The following MTA3 variants were observed in gnomAD, a reference collection of about 807,000 sequenced individuals.
MTA3 encodes metastasis associated 1 family member 3.
A neutral mutation model predicts 83.5 loss-of-function variants in MTA3; 34 were observed. The observed-to-expected ratio is 0.41, with a 90% CI of 0.31 to 0.54. The LOEUF is 0.54. Ranked by LOEUF, MTA3 falls within the 20% of genes least tolerant of loss-of-function variation. The pLI, the probability that MTA3 is intolerant of heterozygous loss-of-function variation, is 0.33. For missense variants in MTA3, 761 were observed against 726.4 expected, an observed-to-expected ratio of 1.05 and a Z score of -0.55; for synonymous variants, 303 against 252.7, an observed-to-expected ratio of 1.20 and a Z score of -1.89.
At chr2:42,666,460 C>T (rs773293699) in intron 8 of MTA3, among the ~76,000 whole-genome samples, 4 of 152,110 alleles carry the variant, frequency 2.6e-5, no homozygotes, top group Non-Finnish European at 4.4e-5. Context: ...AACAGTCCTC[C>T]GTCCTCTGGA....
upstream of MTA3, among the ~76,000 whole-genome samples, chr2:42,566,232 G>A (rs975388483): frequency 6.6e-6 from 1 of 152,094 alleles, no homozygotes; most frequent in South Asian, 2.1e-4. Flanking sequence ...TAAAGGTGCA[G>A]GCTTTCCACC....
At chr2:42,515,728 C>T (rs949981327) in intron 2 of MTA3, among the ~76,000 whole-genome samples, 4 of 151,782 alleles carry the variant, frequency 2.6e-5, no homozygotes, top group Admixed American at 2.0e-4. Flanking sequence ...GTCTCGAACT[C>T]CCGACCTCGT....
intron 8 of MTA3, 83 bp downstream of exon 8, chr2:42,659,945 C>T (rs1338509867): frequency 1.0e-5 from 11 of 1,082,390 alleles, no homozygotes; most frequent in Non-Finnish European, 1.4e-5. Flanking sequence ...ATACTGTAGA[C>T]CGGGAGCTTT....
intron 6 of MTA3, among the ~76,000 whole-genome samples, chr2:42,646,632 G>A (rs1050012977): frequency 3.9e-5 from 6 of 152,174 alleles, no homozygotes; most frequent in South Asian, 2.1e-4. Flanking sequence ...TACAGTGAGC[G>A]TGGGCCCTGA....
At position 42,518,180 on chromosome 2, in the gene MTA3, C is replaced by CA. The variant is rs1206857365; in HGVS notation, c.-141+22935dup. Among the ~76,000 whole-genome samples, 240 of 149,278 alleles carry CA rather than the reference C, an allele frequency of 1.6e-3. 1 individual carries two copies. Among genetic ancestry groups the CA allele is most frequent in the African/African-American group, 4.8e-3 (197 of 40,650 alleles). On this transcript the variant is annotated intron_variant, in intron 2 of 17. Coordinates refer to the MTA3 transcript ENST00000405592. Reference sequence around the variant, plus strand: ...TGGGTGACAGAGTGAAACTCGGTCTCAAAAAAAAAGAAAATAAAAGAAAAT... The same window carrying CA: ...TGGGTGACAGAGTGAAACTCGGTCTCAAAAAAAAAAGAAAATAAAAGAAAAT...
At chr2:42,680,583 A>C (rs546702275) in intron 8 of MTA3, among the ~76,000 whole-genome samples, 1 of 152,322 alleles carries the variant, frequency 6.6e-6, no homozygotes, top group East Asian at 1.9e-4. Flanking sequence ...ATCACTTTGC[A>C]GCACCCATGT....
chr2:42,514,008 G>A (rs975223521), intron 2 of MTA3, among the ~76,000 whole-genome samples: 4 of 152,172 alleles, frequency 2.6e-5, no homozygotes, highest in African/African-American at 9.7e-5. Flanking sequence ...GAGGTCAGGA[G>A]TTCAAGACCA....
At chr2:42,753,271 C>G in intron 16 of MTA3, 103 bp from the exon 17 acceptor site, 1 of 1,535,146 alleles carries the variant, frequency 6.5e-7, no homozygotes, top group East Asian at 2.5e-5. Flanking sequence ...GCCTCCTTTC[C>G]CTGAAGGTTG....
chr2:42,591,708 T>TG (rs1379363668), intron 3 of MTA3, among the ~76,000 whole-genome samples: 11 of 152,076 alleles, frequency 7.2e-5, no homozygotes, highest in Non-Finnish European at 1.5e-4. Context: ...TGGAGTGCAG[T>TG]GGTGCGATCT....
Position 42,755,939 on chromosome 2 carries a change from G to A in MTA3, c.*2540G>A. ...GGTGCGCAAGAGAGGAGGGCCGACT[G>A]GAGGGTGTCGCCGGAAGGTTTCAGC... is the stretch of plus-strand genomic sequence containing the variant. On this transcript the variant is annotated 3_prime_UTR_variant, in exon 17 of 17. Transcript: ENST00000405094. 2.0e-6 allele frequency: 2 copies of A among 985,542 alleles called. No homozygotes were observed. Among genetic ancestry groups the A allele is most frequent in the Non-Finnish European group, 2.4e-6 (2 of 830,004 alleles). 61.0% of individuals were successfully genotyped at this position (985,542 alleles called of 1,614,324 possible). A position where few individuals can be genotyped will look rare whatever the true frequency, so the allele number is the denominator to read the frequency against.
intron 16 of MTA3, among the ~76,000 whole-genome samples, chr2:42,736,940 T>G (rs1668653866): frequency 6.6e-6 from 1 of 152,200 alleles, no homozygotes; most frequent in African/African-American, 2.4e-5. Flanking sequence ...GGGCCTGGAA[T>G]GGGGGCCTCA....
chr2:42,667,639 G>GT (rs1558562599), intron 8 of MTA3, among the ~76,000 whole-genome samples: 5 of 146,626 alleles, frequency 3.4e-5, no homozygotes, highest in African/African-American at 1.3e-4. Flanking sequence ...GAGAGAGAGA[G>GT]AGAGAGAGAG....
At position 42,586,900 on chromosome 2, in the gene MTA3, A is replaced by G. The variant is rs778265727; in HGVS notation, c.190+7700A>G. 1.1e-4 allele frequency among the ~76,000 whole-genome samples: 16 copies of G among 152,250 alleles called. No individual in the cohort carries two copies. In the East Asian group the frequency reaches 1.3e-3, roughly 13 times the overall value. On this transcript the variant is annotated intron_variant, in intron 3 of 16. Transcript: ENST00000405094. ...TAGCTGGGTATGGTGGCATGTGCCT[A>G]TAGTCCCAGCTACTCAGGAGGCTGA...
chr2:42,711,889 G>A (rs1160527202), intron 14 of MTA3, among the ~76,000 whole-genome samples: 1 of 150,898 alleles, frequency 6.6e-6, no homozygotes, highest in Non-Finnish European at 1.5e-5. Flanking sequence ...GTTAAGAATC[G>A]CTGTGATGCA....
chr2:42,725,800 GC>G (rs1227964282), intron 16 of MTA3, among the ~76,000 whole-genome samples: 1 of 152,186 alleles, frequency 6.6e-6, no homozygotes, highest in Admixed American at 6.5e-5. Flanking sequence ...TCCTTCTAGC[GC>G]CCTGCTGGTG....
chr2:42,568,286 G>A (rs780822675), upstream of MTA3: 168 of 155,874 alleles, frequency 1.1e-3, no homozygotes, highest in Non-Finnish European at 2.0e-3. Context: ...GGTGGGGGAA[G>A]AGGTGCTGGG....
At chr2:42,517,349 A>G (rs926912380) in intron 2 of MTA3, among the ~76,000 whole-genome samples, 16 of 152,046 alleles carry the variant, frequency 1.1e-4, no homozygotes, top group African/African-American at 3.4e-4. Flanking sequence ...AGGCAGGTGC[A>G]TCACCTGAGG....
intron 2 of MTA3, among the ~76,000 whole-genome samples, chr2:42,552,331 G>C (rs1423545887): frequency 6.6e-6 from 1 of 152,158 alleles, no homozygotes; most frequent in Non-Finnish European, 1.5e-5. Flanking sequence ...ATTCCTTCCT[G>C]CCCTTTCTTA....
intron 16 of MTA3, among the ~76,000 whole-genome samples, chr2:42,727,897 A>T (rs1183492845): frequency 6.6e-6 from 1 of 152,220 alleles, no homozygotes; most frequent in African/African-American, 2.4e-5. Context: ...CTTAATAATC[A>T]CATGAGGGTA....
Sources: gnomAD v4.1 joint callset for allele counts (sites outside exome capture counted in the v4.1 genomes callset) on GRCh38, gnomAD v4.1.1 for gene constraint, MANE v1.5 for transcripts, NCBI Gene and HGNC (gene_info 2026-07-23, HGNC 2026-07-21) for gene names.